The following EIF4G3 variants were observed in gnomAD, a reference collection of about 807,000 sequenced individuals.
EIF4G3 encodes eIF-4-gamma 3.
Under a neutral mutation model 186.4 loss-of-function variants are expected in EIF4G3, and 34 were observed. The observed-to-expected ratio is 0.18, with a 90% CI of 0.14 to 0.24. The LOEUF (loss-of-function observed/expected upper bound fraction) is 0.24, where lower values mean the gene tolerates loss of function less well. Ranked by LOEUF, EIF4G3 falls within the 10% of genes least tolerant of loss-of-function variation. The pLI, the probability that EIF4G3 is intolerant of heterozygous loss-of-function variation, is 1.00. For missense variants in EIF4G3, 1,536 were observed against 1,948.5 expected, an observed-to-expected ratio of 0.79 and a Z score of 3.99; for synonymous variants, 673 against 679.5, an observed-to-expected ratio of 0.99 and a Z score of 0.15.
intron 30 of EIF4G3, among the ~76,000 whole-genome samples, chr1:20,835,853 C>A (rs2066599776): frequency 6.6e-6 from 1 of 151,790 alleles, no homozygotes; most frequent in Admixed American, 6.6e-5. Context: ...GGGAGGATCA[C>A]TTGAGCCCAG....
chr1:21,133,686 CATT>C (rs2097192752), intron 2 of EIF4G3, among the ~76,000 whole-genome samples: 1 of 152,196 alleles, frequency 6.6e-6, no homozygotes, highest in African/African-American at 2.4e-5. Context: ...ATATTCCACT[CATT>C]GACACTATCT....
chr1:21,053,749 C>T (rs2094421144), intron 3 of EIF4G3, among the ~76,000 whole-genome samples: 1 of 147,676 alleles, frequency 6.8e-6, no homozygotes, highest in Admixed American at 6.7e-5. Flanking sequence ...CGGCCAGCCG[C>T]CCCATCCGGG....
chr1:21,000,896 A>G (rs549059710), intron 6 of EIF4G3, among the ~76,000 whole-genome samples: 1 of 152,338 alleles, frequency 6.6e-6, no homozygotes, highest in South Asian at 2.1e-4. Flanking sequence ...GAGTAAAAAG[A>G]AGCCTCGAAA....
intron 4 of EIF4G3, among the ~76,000 whole-genome samples, chr1:21,033,878 A>G (rs2092958401): frequency 6.6e-6 from 1 of 152,172 alleles, no homozygotes; most frequent in South Asian, 2.1e-4. Context: ...GACTAAGGTG[A>G]GTTCAAGACC....
At chr1:20,943,919 T>C (rs2095814532) in intron 13 of EIF4G3, among the ~76,000 whole-genome samples, 1 of 149,752 alleles carries the variant, frequency 6.7e-6, no homozygotes. Flanking sequence ...TCCCTCAGAC[T>C]AAGTTGACAG....
chr1:20,850,865 C>T (rs896476506), intron 28 of EIF4G3, among the ~76,000 whole-genome samples: 1 of 152,094 alleles, frequency 6.6e-6, no homozygotes. Flanking sequence ...TAAAGATAAC[C>T]TAATACCTTC....
chr1:20,861,354 C>T lies in EIF4G3; in HGVS notation c.3112-837G>A, dbSNP rs72652935. Among the ~76,000 whole-genome samples, 1,140 of 151,644 alleles carry T rather than the reference C, an allele frequency of 7.5e-3. 5 individuals are homozygous for T. Among genetic ancestry groups the T allele is most frequent in the Middle Eastern group, 0.041 (12 of 294 alleles). On this transcript the variant is annotated intron_variant, in intron 23 of 36. Coordinates refer to ENST00000602326, the MANE Select transcript of EIF4G3 (RefSeq NM_001391906.1). ...TTAAAACAGAGAAAAGTAGTAGTAA[C>T]AAAAACTGCACCCGGTAAGAGAAAT...
chr1:21,044,030 A>G (rs1238729618), intron 4 of EIF4G3, among the ~76,000 whole-genome samples: 3 of 152,214 alleles, frequency 2.0e-5, no homozygotes, highest in Admixed American at 6.5e-5. Context: ...CTTCCAATCA[A>G]GTATCACATT....
At chr1:21,175,994 C>A in intron 2 of EIF4G3, 181 bp downstream of exon 2, 1 of 264,758 alleles carries the variant, frequency 3.8e-6, no homozygotes, top group Non-Finnish European at 7.1e-6. Context: ...CTGGGGGTCC[C>A]CCCGCAGTGC....
chr1:20,889,392 C>A (rs2085228608), intron 18 of EIF4G3, among the ~76,000 whole-genome samples: 1 of 152,174 alleles, frequency 6.6e-6, no homozygotes, highest in Admixed American at 6.5e-5. Flanking sequence ...GTATAAATGG[C>A]AAATTACTTA....
intron 14 of EIF4G3, among the ~76,000 whole-genome samples, chr1:20,917,594 T>A (rs897332074): frequency 2.6e-5 from 4 of 152,138 alleles, no homozygotes; most frequent in Admixed American, 6.5e-5. Context: ...AAAAAACAGA[T>A]CAGTGCTTGC....
At chr1:20,846,112 G>C (rs553669214) in intron 29 of EIF4G3, among the ~76,000 whole-genome samples, 1 of 152,238 alleles carries the variant, frequency 6.6e-6, no homozygotes, top group East Asian at 1.9e-4. Flanking sequence ...CTTGACTGAT[G>C]CTAGTGATTT....
At chr1:21,098,131 C>T (rs2096421304) in intron 2 of EIF4G3, among the ~76,000 whole-genome samples, 1 of 152,070 alleles carries the variant, frequency 6.6e-6, no homozygotes, top group African/African-American at 2.4e-5. Context: ...ATCATCAAAA[C>T]TACAAACATT....
chr1:21,105,845 T>G (rs2096607953), intron 2 of EIF4G3, among the ~76,000 whole-genome samples: 1 of 152,130 alleles, frequency 6.6e-6, no homozygotes, highest in Non-Finnish European at 1.5e-5. Flanking sequence ...GGAGGACTGG[T>G]TGAGGCTAGG....
At chr1:21,005,128 G>A (rs12747839) in intron 4 of EIF4G3, among the ~76,000 whole-genome samples, 9 of 152,100 alleles carry the variant, frequency 5.9e-5, no homozygotes, top group Non-Finnish European at 1.2e-4. Context: ...CTGAAAGGCT[G>A]AAAGTTTGAC....
chr1:21,077,483 T>C (rs1000457006), intron 3 of EIF4G3, among the ~76,000 whole-genome samples: 3 of 150,770 alleles, frequency 2.0e-5, no homozygotes. Flanking sequence ...CTGACAAGTA[T>C]ATGAAAAGTG....
At chr1:21,103,263 A>T (rs963726538) in intron 2 of EIF4G3, among the ~76,000 whole-genome samples, 2 of 151,718 alleles carry the variant, frequency 1.3e-5, no homozygotes, top group Admixed American at 6.6e-5. Context: ...CCTCTTCCAT[A>T]CTCTTGACTA....
intron 2 of EIF4G3, among the ~76,000 whole-genome samples, chr1:21,138,981 C>A (rs372903815): frequency 1.3e-5 from 2 of 152,080 alleles, no homozygotes; most frequent in Admixed American, 1.3e-4. Flanking sequence ...ACCTCCTGGG[C>A]TCAAGCAATC....
At chr1:20,844,438 T>G (rs532226301) in intron 29 of EIF4G3, among the ~76,000 whole-genome samples, 1 of 152,338 alleles carries the variant, frequency 6.6e-6, no homozygotes, top group Admixed American at 6.5e-5. Context: ...GTTGGCCACA[T>G]GTATGTCTTC....
Sources: allele counts gnomAD v4.1 joint callset (sites outside exome capture counted in the v4.1 genomes callset), GRCh38; gene constraint gnomAD v4.1.1; transcripts MANE v1.5; gene names NCBI Gene and HGNC (gene_info 2026-07-23, HGNC 2026-07-21).